Variants in MORN1 observed in about 807,000 individuals in gnomAD.
MORN1 encodes the protein MORN repeat containing 1.
A neutral mutation model predicts 61.9 loss-of-function variants in MORN1; 67 were observed. The observed-to-expected ratio is 1.08, with a 90% CI of 0.89 to 1.33. MORN1 has a LOEUF of 1.33. Among genes scored for constraint, MORN1 ranks in the 40% most tolerant of loss-of-function variants. The pLI is 0.00. For missense variants in MORN1, 752 were observed against 691.2 expected, an observed-to-expected ratio of 1.09 and a Z score of -0.99; for synonymous variants, 301 against 292.0, an observed-to-expected ratio of 1.03 and a Z score of -0.31.
At chr1:2,366,321 C>G in intron 8 of MORN1, among the ~76,000 whole-genome samples, 1 of 72,792 alleles carries the variant, frequency 1.4e-5, no homozygotes. Context: ...ACTCTGGGGA[C>G]TGTTGTGGGG....
At chr1:2,379,155 C>G (rs942142019) in intron 6 of MORN1, 4 of 471,026 alleles carry the variant, frequency 8.5e-6, no homozygotes, top group African/African-American at 8.0e-5. Flanking sequence ...CCTCACCAAC[C>G]CTGAGCTCAT....
At chr1:2,344,389 C>T (rs1314547944) in intron 10 of MORN1, among the ~76,000 whole-genome samples, 1 of 152,238 alleles carries the variant, frequency 6.6e-6, no homozygotes, top group Non-Finnish European at 1.5e-5. Flanking sequence ...GAGCGTCCCC[C>T]ACAGGGCCAC....
chr1:2,366,037 T>C (rs1279518434), intron 8 of MORN1, among the ~76,000 whole-genome samples: 1 of 147,408 alleles, frequency 6.8e-6, no homozygotes, highest in South Asian at 2.3e-4. Context: ...CGTATGTTTA[T>C]TGCGGCACTA....
In MORN1 at chr1:2,379,453, G is replaced by A. The variant is rs115622595; in HGVS notation, c.538-4896C>T. Among the ~76,000 whole-genome samples the A allele has an allele frequency of 5.3e-3, 812 of 152,300 alleles. 4 individuals carry two copies. The highest frequency in any genetic ancestry group is 7.8e-3 in the Non-Finnish European group (534 of 68,036). On this transcript the variant is annotated intron_variant, in intron 6 of 13. Coordinates refer to ENST00000378531, the MANE Select transcript of MORN1 (RefSeq NM_024848.3). Reference sequence around the variant, plus strand: ...CAGCGCCTACCTCGTGGCCCTGATCGATGGTTTAAGCTCCCAGGGAAGAAG... The same window carrying A: ...CAGCGCCTACCTCGTGGCCCTGATCAATGGTTTAAGCTCCCAGGGAAGAAG...
chr1:2,388,638 G>A (rs1350895020), intron 2 of MORN1: 3 of 335,518 alleles, frequency 8.9e-6, no homozygotes, highest in Non-Finnish European at 1.7e-5. Flanking sequence ...AATTAGCCAG[G>A]TGTGGTGGTA....
In MORN1 at chr1:2,337,511, G is replaced by A. The variant is rs1030471418; in HGVS notation, c.1037-661C>T. Among the ~76,000 whole-genome samples the A allele has an allele frequency of 1.4e-4, 21 of 152,198 alleles. No homozygotes were observed. The highest frequency in any genetic ancestry group is 2.6e-4 in the Non-Finnish European group (18 of 68,026). On this transcript the variant is annotated intron_variant, in intron 10 of 13. Coordinates refer to ENST00000378531, the MANE Select transcript of MORN1 (RefSeq NM_024848.3). The surrounding 1 kb of genome is among the most constrained non-coding windows in gnomAD (Gnocchi z 5.7). The stretch of plus-strand genomic sequence containing the variant: ...CCCCTCTCCCGGGGTCCCAGGGTGC[G>A]AGGTATGGGGGCTCCCCTCTGGCTT...
rs1243886633 is a variant in MORN1, at chr1:2,387,521, A to C, written c.256T>G (p.Phe86Val). ...TCTCCCAGAACAAACTGTCCAGAGA[A>C]GGTGTCTCCTGCATGTGGACAAGGA... ...RRHWAWSGDT[F>V]SGQFVLGEPQ... The change falls in exon 4 of 14, where the codon TTC becomes GTC. Residue 86 changes from phenylalanine (F) to valine (V), a missense_variant. Transcript: ENST00000378531. 1.2e-6 allele frequency: 2 copies of C among 1,611,326 alleles called. No homozygotes were observed. The highest frequency in any genetic ancestry group is 1.7e-6 in the Non-Finnish European group (2 of 1,179,380).
intron 8 of MORN1, among the ~76,000 whole-genome samples, chr1:2,363,896 G>C (rs1641949453): frequency 6.6e-6 from 1 of 151,464 alleles, no homozygotes; most frequent in South Asian, 2.1e-4. Context: ...AATAGATATA[G>C]AGGGGAAACA....
chr1:2,384,096 T>C (rs1262579892), intron 6 of MORN1, among the ~76,000 whole-genome samples: 1 of 152,142 alleles, frequency 6.6e-6, no homozygotes, highest in Non-Finnish European at 1.5e-5. Context: ...ATGGGTGTGG[T>C]TTCTGTCTCC....
At position 2,368,398 on chromosome 1, in the gene MORN1, G is replaced by C. The variant is rs548597497; in HGVS notation, c.745+4083C>G. Among the ~76,000 whole-genome samples, 4 of 152,370 alleles carry C rather than the reference G, an allele frequency of 2.6e-5. No individual in the cohort carries two copies. The South Asian group carries it at 8.3e-4, about 32-fold the overall frequency. On this transcript the variant is annotated intron_variant, in intron 8 of 13. Transcript: ENST00000378531. ...CCACTTTTAACTGCGTGCAGATCAA[G>C]GGGTGGTTTATGTGGACATTTCTAG...
intron 12 of MORN1, among the ~76,000 whole-genome samples, chr1:2,335,037 T>C (rs1011947169): frequency 2.6e-5 from 4 of 152,240 alleles, no homozygotes; most frequent in African/African-American, 7.2e-5. Flanking sequence ...GGATCTTGGC[T>C]GTTTTTTAGT....
chr1:2,382,541 G>C (rs1642397102), intron 6 of MORN1, among the ~76,000 whole-genome samples: 1 of 152,212 alleles, frequency 6.6e-6, no homozygotes, highest in South Asian at 2.1e-4. Flanking sequence ...GGTGGCAGTG[G>C]GGTGGGGGCC....
At position 2,321,450 on chromosome 1, in the gene MORN1, C is replaced by T. The variant is rs1216430921; in HGVS notation, c.1427G>A (p.Gly476Asp). 1.3e-6 allele frequency: 2 copies of T among 1,540,876 alleles called. No homozygotes were observed. Among genetic ancestry groups the T allele is most frequent in the East Asian group, 2.5e-5 (1 of 40,268 alleles). ...CTGCCAGCTGCTTGAGGCTTCAGGG[C>T]CTTCTTCCAGGACATGGGGTGGCTG... The part of the protein sequence containing the change: ...AGQPPHVLEE[G>D]PEASSSWQAA... Residue 476 changes from glycine (G) to aspartate (D), a missense_variant, in exon 14 of 14, where the codon GGC (glycine) becomes GAC (aspartate). Gly to Asp is a moderately conservative substitution (Grantham distance 94). Coordinates refer to ENST00000378531, the MANE Select transcript of MORN1 (RefSeq NM_024848.3).
intron 1 of MORN1, 51 bp downstream of exon 1, chr1:2,391,407 G>A (rs2100388975): frequency 8.8e-6 from 11 of 1,252,792 alleles, no homozygotes; most frequent in Non-Finnish European, 1.1e-5. Flanking sequence ...ATCGCACCCT[G>A]AATGGAGCCC....
At chr1:2,380,223 C>A (rs979795330) in intron 6 of MORN1, among the ~76,000 whole-genome samples, 2 of 152,132 alleles carry the variant, frequency 1.3e-5, no homozygotes, top group Non-Finnish European at 2.9e-5. Flanking sequence ...GGGGTTGGAG[C>A]GTGGGGAGTT....
At chr1:2,363,249 T>G (rs970450623) in intron 8 of MORN1, 4 of 152,150 alleles carry the variant, frequency 2.6e-5, no homozygotes, top group Admixed American at 1.3e-4. Flanking sequence ...TTACATCTCT[T>G]GAAAATAACT....
At chr1:2,389,376 C>A (rs1642588194) in intron 2 of MORN1, among the ~76,000 whole-genome samples, 1 of 152,246 alleles carries the variant, frequency 6.6e-6, no homozygotes, top group African/African-American at 2.4e-5. Flanking sequence ...TCAAGGGATT[C>A]TCCTGGCTCA....
intron 10 of MORN1, chr1:2,351,876 G>A (rs971597725): frequency 2.0e-6 from 1 of 501,992 alleles, no homozygotes; most frequent in Non-Finnish European, 3.9e-6. Flanking sequence ...CGTTCCCCCA[G>A]ATCCAATGTC....
In MORN1 at chr1:2,358,652, G is replaced by A; in HGVS notation, c.809C>T (p.Ser270Phe). Residue 270 changes from serine to phenylalanine, a missense_variant, in exon 9 of 14, where the codon TCT becomes TTT. Transcript: ENST00000378531. The stretch of plus-strand genomic sequence containing the variant: ...GTCCACTTTGAAAAAGTTGACCTCA[G>A]AGTAGGCTGACAGCTGCACGTATCT... ...GVRYVQLSAY[S>F]EVNFFKVDRD... 6.2e-7 allele frequency: 1 copy of A among 1,614,078 alleles called. No individual in the cohort carries two copies. The highest frequency in any genetic ancestry group is 8.5e-7 in the Non-Finnish European group (1 of 1,180,002).
Sources: allele counts gnomAD v4.1 joint callset (sites outside exome capture counted in the v4.1 genomes callset), GRCh38; gene constraint gnomAD v4.1.1; non-coding constraint Gnocchi (gnomAD v3.1); transcripts MANE v1.5; gene names NCBI Gene and HGNC (gene_info 2026-07-23, HGNC 2026-07-21).